Variants in SNX16 observed in about 807,000 individuals in gnomAD.
The protein encoded by SNX16 is sorting nexin 16.
Under a neutral mutation model 36.7 loss-of-function variants are expected in SNX16, and 35 were observed. The ratio of observed to expected loss-of-function variants is 0.95; its 90% CI spans 0.73 to 1.27. SNX16 has a LOEUF of 1.27. Ranked by LOEUF, SNX16 falls within the 50% of genes most tolerant of loss-of-function variation. The probability of loss-of-function intolerance (pLI) is 0.00; values close to 1 mark genes in which losing one functional copy is unlikely to be tolerated. For missense variants in SNX16, 367 were observed against 393.6 expected, an observed-to-expected ratio of 0.93 and a Z score of 0.57; for synonymous variants, 134 against 132.0, an observed-to-expected ratio of 1.02 and a Z score of -0.10.
intron 4 of SNX16, chr8:81,815,610 C>T: frequency 4.9e-6 from 2 of 405,642 alleles, no homozygotes; most frequent in Non-Finnish European, 9.2e-6. Flanking sequence ...TTTATTGTTA[C>T]ATACAAACTA....
At chr8:81,809,526 T>C (rs1810125680) in intron 5 of SNX16, among the ~76,000 whole-genome samples, 1 of 151,904 alleles carries the variant, frequency 6.6e-6, no homozygotes, top group Non-Finnish European at 1.5e-5. Flanking sequence ...TGCTGGTGTG[T>C]AGGGAAGAAC....
At chr8:81,837,576 T>C (rs1308570088) in intron 2 of SNX16, among the ~76,000 whole-genome samples, 2 of 152,186 alleles carry the variant, frequency 1.3e-5, no homozygotes, top group African/African-American at 4.8e-5. Flanking sequence ...TATAGCTATG[T>C]CCTCAGATGT....
chr8:81,829,842 T>C (rs1811173844), intron 2 of SNX16, among the ~76,000 whole-genome samples: 1 of 152,162 alleles, frequency 6.6e-6, no homozygotes, highest in Non-Finnish European at 1.5e-5. Context: ...GAAGAAGCTA[T>C]GAAAAATAGC....
rs761448961 is a variant in SNX16, at chr8:81,801,577, A to G, written c.955T>C (p.Cys319Arg). 6.5e-7 allele frequency: 1 copy of G among 1,533,146 alleles called. No homozygotes were observed. The highest frequency in any genetic ancestry group is 8.8e-7 in the Non-Finnish European group (1 of 1,132,538). 95.0% of individuals were successfully genotyped at this position (1,533,146 alleles called of 1,614,324 possible). A position where few individuals can be genotyped will look rare whatever the true frequency, so the allele number is the denominator to read the frequency against. The change falls in exon 8 of 8, where the codon TGC becomes CGC. Residue 319 changes from cysteine (C) to arginine (R), a missense_variant. By Grantham distance (180) the Cys-to-Arg change is radical. Transcript: ENST00000345957. ...TTTTCAGGTTCACTAAAACTTAAGC[A>G]TGGTTTATTATCAGCTCTGCAAAAA... ...DEESRADNKP[C>R]LSFSEPENAV...
At chr8:81,835,342 G>A (rs1271960444) in intron 2 of SNX16, among the ~76,000 whole-genome samples, 2 of 152,186 alleles carry the variant, frequency 1.3e-5, no homozygotes, top group African/African-American at 4.8e-5. Flanking sequence ...CCTCTCATAT[G>A]CCCTGGAGAC....
rs914238881 is a variant in SNX16, at chr8:81,823,933, T to A, written c.470A>T (p.Glu157Val). 1.9e-6 allele frequency: 3 copies of A among 1,607,182 alleles called. No homozygotes were observed. The highest frequency in any genetic ancestry group is 2.5e-6 in the Non-Finnish European group (3 of 1,177,836). ...DFSRLNDKLK[E>V]MFPGFRLALP... ...TGCTAGTCGAAAACCTGGAAACATCTCTTTTAACTGAAAAAGAAGAAAAGA... is the reference window on the plus strand; with the variant it reads ...TGCTAGTCGAAAACCTGGAAACATCACTTTTAACTGAAAAAGAAGAAAAGA... Residue 157 changes from glutamate to valine, a missense_variant, in exon 4 of 8, where the codon GAG becomes GTG. Physicochemically the swap from Glu to Val is moderately radical, Grantham distance 121. Coordinates refer to ENST00000345957, the MANE Select transcript of SNX16 (RefSeq NM_152836.3).
At chr8:81,816,469 C>G (rs942739161) in intron 4 of SNX16, among the ~76,000 whole-genome samples, 5 of 151,860 alleles carry the variant, frequency 3.3e-5, no homozygotes, top group African/African-American at 1.2e-4. Flanking sequence ...GGATTACAGG[C>G]ACGAACCACC....
At chr8:81,830,948 C>T (rs749797022) in intron 2 of SNX16, among the ~76,000 whole-genome samples, 5 of 152,096 alleles carry the variant, frequency 3.3e-5, no homozygotes, top group Non-Finnish European at 5.9e-5. Flanking sequence ...ATAGAGAACC[C>T]AGAAATAAAA....
intron 2 of SNX16, among the ~76,000 whole-genome samples, chr8:81,836,735 G>C (rs1206432482): frequency 1.3e-5 from 2 of 152,208 alleles, no homozygotes; most frequent in African/African-American, 2.4e-5. Flanking sequence ...ACTGCTTCCT[G>C]CTTTGACTGT....
At chr8:81,835,703 C>A (rs1287614390) in intron 2 of SNX16, among the ~76,000 whole-genome samples, 1 of 152,194 alleles carries the variant, frequency 6.6e-6, no homozygotes, top group Non-Finnish European at 1.5e-5. Flanking sequence ...CAACAAGTTC[C>A]TCATCTCCAA....
rs1222619911 is a variant in SNX16 at position 81,835,644 on chromosome 8, C to T, written c.375+3968G>A. Among the ~76,000 whole-genome samples the T allele has an allele frequency of 1.1e-4, 16 of 152,216 alleles. 1 individual carries two copies. Among genetic ancestry groups the T allele is most frequent in the Admixed American group, 8.5e-4 (13 of 15,278 alleles). Reference sequence around the variant, plus strand: ...AATCTCTAGGGCAGGGGCAAAATGCCGCCAATCTCTTTGCTAAACCTAACA... The same window carrying T: ...AATCTCTAGGGCAGGGGCAAAATGCTGCCAATCTCTTTGCTAAACCTAACA... On this transcript the variant is annotated intron_variant, in intron 2 of 7. Coordinates refer to ENST00000345957, the MANE Select transcript of SNX16 (RefSeq NM_152836.3).
At chr8:81,810,323 C>G (rs894600633) in intron 5 of SNX16, among the ~76,000 whole-genome samples, 1 of 151,984 alleles carries the variant, frequency 6.6e-6, no homozygotes, top group Non-Finnish European at 1.5e-5. Flanking sequence ...AAATAGGGAA[C>G]AGAGAAAAGT....
Position 81,840,048 on chromosome 8 carries a change from T to G in SNX16, c.-62A>C. ...GAGTCCACTTAGAGAACAACTAATA[T>G]GCAATCCATTATTTTCTTCTTAGGA... On this transcript the variant is annotated 5_prime_UTR_variant, in exon 2 of 8. Transcript: ENST00000345957. 2 of 1,499,364 alleles carry G rather than the reference T, an allele frequency of 1.3e-6. No homozygotes were observed. Among genetic ancestry groups the G allele is most frequent in the Non-Finnish European group, 1.8e-6 (2 of 1,125,502 alleles). The allele number at this position is 1,499,364 out of a possible 1,614,324, so 92.9% of individuals were successfully genotyped here.
Position 81,840,065 on chromosome 8 carries a change from T to C in SNX16, c.-79A>G. On this transcript the variant is annotated 5_prime_UTR_variant, in exon 2 of 8. Transcript: ENST00000345957. ...AACTAATATGCAATCCATTATTTTC[T>C]TCTTAGGAATTCACTATCTAAAAAT... The C allele has an allele frequency of 2.1e-6, 3 of 1,444,128 alleles. No individual in the cohort carries two copies. The highest frequency in any genetic ancestry group is 2.8e-6 in the Non-Finnish European group (3 of 1,082,550). The allele number at this position is 1,444,128 out of a possible 1,614,324, so 89.5% of individuals were successfully genotyped here. A position where few individuals can be genotyped will look rare whatever the true frequency, so the allele number is the denominator to read the frequency against.
chr8:81,815,469 T>G lies in SNX16; in HGVS notation c.612-75A>C. 2.4e-6 allele frequency: 3 copies of G among 1,240,768 alleles called. No individual in the cohort carries two copies. The Admixed American group carries it at 5.6e-5, about 23-fold the overall frequency. 76.9% of individuals were successfully genotyped at this position (1,240,768 alleles called of 1,614,324 possible). Reference sequence around the variant, plus strand: ...AGATAGCAAAAAGCAAAAGTTACTTTGAAGCTGTACAGTGTTTTAAACAAG... The same window carrying G: ...AGATAGCAAAAAGCAAAAGTTACTTGGAAGCTGTACAGTGTTTTAAACAAG... On this transcript the variant is annotated intron_variant, in intron 4 of 7. Coordinates refer to ENST00000345957, the MANE Select transcript of SNX16 (RefSeq NM_152836.3).
At chr8:81,820,483 C>T (rs540280435) in intron 4 of SNX16, among the ~76,000 whole-genome samples, 64 of 152,162 alleles carry the variant, frequency 4.2e-4, no homozygotes, top group African/African-American at 1.3e-3. Context: ...AGGAACAGTA[C>T]TGAGGGATGA....
chr8:81,815,482 TGTTTTAAACAA>T, intron 4 of SNX16, 88 bp from the exon 5 acceptor site: 3 of 1,004,910 alleles, frequency 3.0e-6, no homozygotes, highest in Non-Finnish European at 4.4e-6. Flanking sequence ...AGCTGTACAG[TGTTTTAAACAA>T]GTTGGTTATG....
intron 3 of SNX16, among the ~76,000 whole-genome samples, chr8:81,825,404 C>T (rs563949727): frequency 6.6e-6 from 1 of 152,186 alleles, no homozygotes; most frequent in African/African-American, 2.4e-5. Context: ...ATTAGAATCA[C>T]CCAGGAGTTT....
chr8:81,840,982 G>A (rs992556988), intron 1 of SNX16, among the ~76,000 whole-genome samples: 1 of 152,130 alleles, frequency 6.6e-6, no homozygotes, highest in African/African-American at 2.4e-5. Context: ...CTTTTCATAC[G>A]AAACTCTACT....
Sources: allele counts gnomAD v4.1 joint callset (sites outside exome capture counted in the v4.1 genomes callset), GRCh38; gene constraint gnomAD v4.1.1; transcripts MANE v1.5; gene names NCBI Gene and HGNC (gene_info 2026-07-23, HGNC 2026-07-21).